The following CAP2 variants were observed in gnomAD, a reference collection of about 807,000 sequenced individuals.
CAP2 encodes the protein adenylyl cyclase-associated protein 2.
Under a neutral mutation model 57.7 loss-of-function variants are expected in CAP2, and 24 were observed. The observed-to-expected ratio is 0.42, with a 90% confidence interval of 0.30 to 0.58. CAP2 has a LOEUF of 0.58. Ranked by LOEUF, CAP2 falls within the 20% of genes least tolerant of loss-of-function variation. The probability of loss-of-function intolerance (pLI) is 0.22; values close to 1 mark genes in which losing one functional copy is unlikely to be tolerated. For missense variants in CAP2, 501 were observed against 590.3 expected (o/e 0.85, Z 1.57); for synonymous variants, 194 against 207.2 (o/e 0.94, Z 0.55).
At chr6:17,473,126 G>T (rs1190191086) in intron 4 of CAP2, among the ~76,000 whole-genome samples, 1 of 151,948 alleles carries the variant, frequency 6.6e-6, no homozygotes, top group African/African-American at 2.4e-5. Flanking sequence ...CCCAAAGGAA[G>T]TGAGGTGGTT....
chr6:17,487,244 A>G (rs1761441031), intron 4 of CAP2, among the ~76,000 whole-genome samples: 3 of 152,012 alleles, frequency 2.0e-5, no homozygotes, highest in East Asian at 3.9e-4. Context: ...CCAGTCGCTT[A>G]TCAAGCCCCT....
intron 4 of CAP2, among the ~76,000 whole-genome samples, chr6:17,490,640 T>G (rs1305386360): frequency 6.6e-6 from 1 of 152,158 alleles, no homozygotes; most frequent in Non-Finnish European, 1.5e-5. Flanking sequence ...GTCCTGCCCA[T>G]GAGTTTTCGG....
intron 4 of CAP2, among the ~76,000 whole-genome samples, chr6:17,477,504 C>A (rs1171879773): frequency 1.3e-5 from 2 of 152,176 alleles, no homozygotes; most frequent in African/African-American, 4.8e-5. Flanking sequence ...AAGATCTTTT[C>A]CCAAGATCAC....
In CAP2 at chr6:17,548,105, T is replaced by C. The variant is rs147633278; in HGVS notation, c.1210-3359T>C. Among the ~76,000 whole-genome samples the C allele has an allele frequency of 4.9e-3, 740 of 152,052 alleles. 6 individuals are homozygous for C. Among genetic ancestry groups the C allele is most frequent in the African/African-American group, 0.017 (718 of 41,496 alleles). ...AATAGAGGCCGAGCGTGGTGGCTCA[T>C]GCCTGTAATCCCAGCACTTAGGGAG... On this transcript the variant is annotated intron_variant, in intron 11 of 12. Coordinates refer to ENST00000229922, the MANE Select transcript of CAP2 (RefSeq NM_006366.3).
At chr6:17,400,241 A>G (rs571535207) in intron 1 of CAP2, among the ~76,000 whole-genome samples, 22 of 152,256 alleles carry the variant, frequency 1.4e-4, no homozygotes, top group African/African-American at 4.8e-4. Context: ...ACACACACAC[A>G]TACACACACA....
intron 4 of CAP2, among the ~76,000 whole-genome samples, chr6:17,489,232 G>A (rs1383578782): frequency 1.3e-5 from 2 of 152,172 alleles, no homozygotes; most frequent in African/African-American, 4.8e-5. Flanking sequence ...AGGAGTTCAA[G>A]ACCAGCCTGG....
chr6:17,405,532 A>G (rs938842388), intron 1 of CAP2, among the ~76,000 whole-genome samples: 2 of 146,630 alleles, frequency 1.4e-5, no homozygotes, highest in Non-Finnish European at 3.0e-5. Flanking sequence ...CTCTCTCTCA[A>G]AATATCTTAT....
chr6:17,419,230 A>G (rs1759365226), intron 1 of CAP2, among the ~76,000 whole-genome samples: 1 of 152,186 alleles, frequency 6.6e-6, no homozygotes, highest in Non-Finnish European at 1.5e-5. Flanking sequence ...AAGAGAAATA[A>G]ATGTATTGCC....
At chr6:17,414,875 C>G (rs1010409797) in intron 1 of CAP2, among the ~76,000 whole-genome samples, 3 of 152,140 alleles carry the variant, frequency 2.0e-5, no homozygotes, top group Admixed American at 6.5e-5. Context: ...CCACCAACAG[C>G]GTAAAAGTGT....
At chr6:17,460,975 T>G (rs1760704251) in intron 3 of CAP2, among the ~76,000 whole-genome samples, 1 of 152,056 alleles carries the variant, frequency 6.6e-6, no homozygotes, top group Non-Finnish European at 1.5e-5. Flanking sequence ...TAGCAAGAAC[T>G]TACCTCTACT....
At chr6:17,494,498 T>C (rs1390993015) in intron 4 of CAP2, among the ~76,000 whole-genome samples, 1 of 152,184 alleles carries the variant, frequency 6.6e-6, no homozygotes, top group African/African-American at 2.4e-5. Context: ...CAGATATTTA[T>C]TCAAATGTCA....
intron 7 of CAP2, among the ~76,000 whole-genome samples, chr6:17,523,639 A>T (rs1001185764): frequency 6.6e-6 from 1 of 152,220 alleles, no homozygotes; most frequent in Non-Finnish European, 1.5e-5. Flanking sequence ...GGAGAGTCTC[A>T]AAGCTATAGG....
At chr6:17,436,497 A>G (rs553180105) in intron 3 of CAP2, among the ~76,000 whole-genome samples, 2 of 152,282 alleles carry the variant, frequency 1.3e-5, no homozygotes, top group Admixed American at 6.5e-5. Flanking sequence ...GCAGGCAGTC[A>G]GGAAACAAGA....
chr6:17,465,489 T>A (rs868277021), intron 4 of CAP2, among the ~76,000 whole-genome samples: 4 of 152,188 alleles, frequency 2.6e-5, no homozygotes, highest in Non-Finnish European at 5.9e-5. Context: ...AGAGCAGGCT[T>A]ATGATGCCTA....
Position 17,507,627 on chromosome 6 carries a change from T to C in CAP2, c.445-14T>C. 6 of 1,507,896 alleles carry C rather than the reference T, an allele frequency of 4.0e-6. No homozygotes were observed. The highest frequency in any genetic ancestry group is 5.5e-6 in the Non-Finnish European group (6 of 1,084,196). 93.4% of individuals were successfully genotyped at this position (1,507,896 alleles called of 1,614,324 possible). A position where few individuals can be genotyped will look rare whatever the true frequency, so the allele number is the denominator to read the frequency against. Reference sequence around the variant, plus strand: ...TTTTCCTTCTATGCTTGGGTGACGGTCCTGTTTTCTCAGTCTCCCAAACCT... The same window carrying C: ...TTTTCCTTCTATGCTTGGGTGACGGCCCTGTTTTCTCAGTCTCCCAAACCT... On this transcript the variant is annotated splice_polypyrimidine_tract_variant and intron_variant, in intron 5 of 12. Coordinates refer to ENST00000229922, the MANE Select transcript of CAP2 (RefSeq NM_006366.3).
intron 7 of CAP2, among the ~76,000 whole-genome samples, chr6:17,527,266 G>T (rs1270886244): frequency 6.6e-6 from 1 of 152,152 alleles, no homozygotes; most frequent in Non-Finnish European, 1.5e-5. Flanking sequence ...TAGCTGTCCA[G>T]CTAATTCAAG....
At chr6:17,444,377 GCCT>G (rs1561785857) in intron 3 of CAP2, among the ~76,000 whole-genome samples, 3 of 152,196 alleles carry the variant, frequency 2.0e-5, no homozygotes, top group Admixed American at 2.0e-4. Context: ...GGTGGCTCAC[GCCT>G]GTAATCCCAG....
chr6:17,456,571 A>G (rs1272804512), intron 3 of CAP2, among the ~76,000 whole-genome samples: 1 of 152,282 alleles, frequency 6.6e-6, no homozygotes, highest in African/African-American at 2.4e-5. Flanking sequence ...GTCTCTAATT[A>G]TGAAAAACAG....
intron 7 of CAP2, among the ~76,000 whole-genome samples, chr6:17,533,098 A>AAAAAAG (rs3076062): frequency 2.2e-5 from 3 of 134,538 alleles, no homozygotes; most frequent in African/African-American, 7.9e-5. Flanking sequence ...AAAAAAAAAA[A>AAAAAAG]GAACTTGGAA....
Sources: gnomAD v4.1 joint callset for allele counts (sites outside exome capture counted in the v4.1 genomes callset) on GRCh38, gnomAD v4.1.1 for gene constraint, MANE v1.5 for transcripts, NCBI Gene and HGNC (gene_info 2026-07-23, HGNC 2026-07-21) for gene names.